Variants in ZNHIT6 observed in about 807,000 individuals in gnomAD.
ZNHIT6 encodes the protein zinc finger HIT-type containing 6, also known as box C/D snoRNA protein 1.
In ZNHIT6, 45 loss-of-function variants were observed where a neutral mutation model predicts 57.2. The ratio of observed to expected loss-of-function variants is 0.79; its 90% CI spans 0.62 to 1.01. The LOEUF (loss-of-function observed/expected upper bound fraction) is 1.01, where lower values mean the gene tolerates loss of function less well. Among genes scored for constraint, ZNHIT6 ranks in the 50% least tolerant of loss-of-function variants. The pLI is 0.00. For missense variants in ZNHIT6, 528 were observed against 567.3 expected, an observed-to-expected ratio of 0.93 and a Z score of 0.70; for synonymous variants, 188 against 190.0, an observed-to-expected ratio of 0.99 and a Z score of 0.09.
chr1:85,685,360 T>A (rs955499433), intron 5 of ZNHIT6, among the ~76,000 whole-genome samples: 1 of 152,200 alleles, frequency 6.6e-6, no homozygotes, highest in Non-Finnish European at 1.5e-5. Context: ...TCATAAAAGA[T>A]GAGGCAGAAC....
chr1:85,658,323 G>T lies in ZNHIT6; in HGVS notation c.1248-352C>A, dbSNP rs959059846. On this transcript the variant is annotated intron_variant, in intron 8 of 9. Coordinates refer to ENST00000370574, the MANE Select transcript of ZNHIT6 (RefSeq NM_017953.4). ...GGCTCACTGCAACCTCCATCTCCCA[G>T]GCTCAAGCGATTCTCCTGCCTCAGC... Among the ~76,000 whole-genome samples, 15 of 152,172 alleles carry T rather than the reference G, an allele frequency of 9.9e-5. No individual in the cohort carries two copies. The South Asian group carries it at 1.5e-3, about 15-fold the overall frequency.
intron 5 of ZNHIT6, among the ~76,000 whole-genome samples, chr1:85,691,831 C>T (rs891092065): frequency 2.0e-5 from 3 of 151,978 alleles, no homozygotes; most frequent in East Asian, 1.9e-4. Context: ...GATTGCAGAG[C>T]GCTAAGATCA....
At chr1:85,696,146 A>G (rs1014749278) in intron 5 of ZNHIT6, among the ~76,000 whole-genome samples, 1 of 151,662 alleles carries the variant, frequency 6.6e-6, no homozygotes, top group Non-Finnish European at 1.5e-5. Flanking sequence ...AGGGATTCAG[A>G]TCCAAATAAT....
intron 8 of ZNHIT6, among the ~76,000 whole-genome samples, chr1:85,676,026 C>A (rs1314536688): frequency 6.6e-6 from 1 of 152,142 alleles, no homozygotes; most frequent in African/African-American, 2.4e-5. Context: ...CTAAAACTTT[C>A]TCCCTATCAG....
intron 6 of ZNHIT6, among the ~76,000 whole-genome samples, chr1:85,679,488 C>T (rs1428506627): frequency 4.7e-5 from 7 of 150,444 alleles, no homozygotes; most frequent in African/African-American, 1.7e-4. Context: ...TAGGAATATG[C>T]TAAATATACT....
chr1:85,663,941 G>T (rs1661292916), intron 8 of ZNHIT6, among the ~76,000 whole-genome samples: 1 of 152,142 alleles, frequency 6.6e-6, no homozygotes, highest in Non-Finnish European at 1.5e-5. Flanking sequence ...TAGCCACTCT[G>T]TAGGTGACCT....
At chr1:85,675,194 A>G (rs1237328313) in intron 8 of ZNHIT6, among the ~76,000 whole-genome samples, 1 of 152,226 alleles carries the variant, frequency 6.6e-6, no homozygotes, top group Non-Finnish European at 1.5e-5. Context: ...AAGTCAAAAC[A>G]TTAAGACTTA....
chr1:85,679,300 T>C (rs1661794776), intron 6 of ZNHIT6, among the ~76,000 whole-genome samples: 1 of 152,172 alleles, frequency 6.6e-6, no homozygotes, highest in African/African-American at 2.4e-5. Flanking sequence ...ATAAACAAAA[T>C]TAAGACACTG....
intron 9 of ZNHIT6, 79 bp from the exon 10 acceptor site, chr1:85,654,177 CTTCT>C: frequency 4.8e-6 from 6 of 1,250,356 alleles, no homozygotes; most frequent in Non-Finnish European, 5.6e-6. Flanking sequence ...TCTCTCCCTC[CTTCT>C]GATGTACAGC....
At chr1:85,698,645 G>A (rs1167507269) in intron 5 of ZNHIT6, among the ~76,000 whole-genome samples, 1 of 152,002 alleles carries the variant, frequency 6.6e-6, no homozygotes, top group Non-Finnish European at 1.5e-5. Flanking sequence ...TTAATACCTA[G>A]GGAGTATTAA....
intron 5 of ZNHIT6, among the ~76,000 whole-genome samples, chr1:85,687,558 G>C (rs984971821): frequency 2.6e-5 from 4 of 151,890 alleles, no homozygotes; most frequent in Admixed American, 2.6e-4. Flanking sequence ...TGAATTGAAG[G>C]GCTTACAGGG....
intron 5 of ZNHIT6, among the ~76,000 whole-genome samples, chr1:85,689,493 TA>T (rs1247264521): frequency 6.6e-6 from 1 of 152,202 alleles, no homozygotes; most frequent in Non-Finnish European, 1.5e-5. Flanking sequence ...CATCATTATG[TA>T]AATACTTTGG....
chr1:85,689,872 C>A lies in ZNHIT6; in HGVS notation c.1020-8968G>T, dbSNP rs529254139. Reference sequence around the variant, plus strand: ...CACAAAACAAAAAAACTGTCCCATTCAAAAATGCCAATAGAGCCCCTACTA... The same window carrying A: ...CACAAAACAAAAAAACTGTCCCATTAAAAAATGCCAATAGAGCCCCTACTA... On this transcript the variant is annotated intron_variant, in intron 5 of 9. Coordinates refer to ENST00000370574, the MANE Select transcript of ZNHIT6 (RefSeq NM_017953.4). 7.2e-5 allele frequency among the ~76,000 whole-genome samples: 11 copies of A among 152,122 alleles called. No individual in the cohort carries two copies. In the South Asian group the frequency reaches 2.3e-3, roughly 32 times the overall value.
intron 6 of ZNHIT6, among the ~76,000 whole-genome samples, chr1:85,680,346 T>C (rs898033879): frequency 6.6e-6 from 1 of 152,254 alleles, no homozygotes; most frequent in Non-Finnish European, 1.5e-5. Context: ...TACACTATAA[T>C]GTTAATAGTA....
At chr1:85,672,007 A>G (rs1421662696) in intron 8 of ZNHIT6, among the ~76,000 whole-genome samples, 2 of 152,164 alleles carry the variant, frequency 1.3e-5, no homozygotes, top group East Asian at 3.8e-4. Context: ...AGTAAGGTAT[A>G]CTACACAGAT....
At chr1:85,664,960 T>C (rs998740609) in intron 8 of ZNHIT6, among the ~76,000 whole-genome samples, 16 of 151,912 alleles carry the variant, frequency 1.1e-4, no homozygotes, top group Admixed American at 1.0e-3. Flanking sequence ...GCCTCCCGAG[T>C]AGCTGGGACT....
rs1359336201 is a variant in ZNHIT6 at position 85,687,294 on chromosome 1, AAAAAC to A, written c.1020-6395_1020-6391del. 8.8e-4 allele frequency among the ~76,000 whole-genome samples: 117 copies of A among 133,170 alleles called. 6 individuals carry two copies. Among genetic ancestry groups the A allele is most frequent in the East Asian group, 1.3e-3 (5 of 3,902 alleles). 87.4% of individuals were successfully genotyped at this position (133,170 alleles called of 152,430 possible). A position where few individuals can be genotyped will look rare whatever the true frequency, so the allele number is the denominator to read the frequency against. On this transcript the variant is annotated intron_variant, in intron 5 of 9. Coordinates refer to ENST00000370574, the MANE Select transcript of ZNHIT6 (RefSeq NM_017953.4). Reference sequence around the variant, plus strand: ...AGAAGACTATCTCAAAAAACAAAAAAAAAACAAAAAAAAAAAACAATTTAGAACCC... The same window carrying A: ...AGAAGACTATCTCAAAAAACAAAAAAAAAAAAAAAAAACAATTTAGAACCC...
At chr1:85,676,261 G>C (rs535326344) in intron 8 of ZNHIT6, among the ~76,000 whole-genome samples, 37 of 151,638 alleles carry the variant, frequency 2.4e-4, no homozygotes, top group Non-Finnish European at 4.6e-4. Flanking sequence ...GCTTGAACCT[G>C]GGAGGCGGAG....
chr1:85,695,029 T>C (rs2100707325), intron 5 of ZNHIT6, among the ~76,000 whole-genome samples: 1 of 152,168 alleles, frequency 6.6e-6, no homozygotes, highest in East Asian at 1.9e-4. Flanking sequence ...TTTGGGAGGC[T>C]GAGGTGGGTG....
Sources: allele counts gnomAD v4.1 joint callset (sites outside exome capture counted in the v4.1 genomes callset), GRCh38; gene constraint gnomAD v4.1.1; transcripts MANE v1.5; gene names NCBI Gene and HGNC (gene_info 2026-07-23, HGNC 2026-07-21).